Variants in ADAMTS12 observed in about 807,000 individuals in gnomAD.
The protein encoded by ADAMTS12 is ADAM metallopeptidase with thrombospondin type 1 motif 12, also known as A disintegrin and metalloproteinase with thrombospondin motifs 12.
Under a neutral mutation model 167.8 loss-of-function variants are expected in ADAMTS12, and 118 were observed. That is an observed-to-expected ratio of 0.70 (90% confidence interval 0.61 to 0.82). The LOEUF (loss-of-function observed/expected upper bound fraction) is 0.82, where lower values mean the gene tolerates loss of function less well. Among genes scored for constraint, ADAMTS12 ranks in the 40% least tolerant of loss-of-function variants. The pLI is 0.00. For missense variants in ADAMTS12, 1,916 were observed against 1,998.8 expected (o/e 0.96, Z 0.79); for synonymous variants, 704 against 716.9 (o/e 0.98, Z 0.29).
At chr5:33,540,445 A>G (rs1351203963) in intron 22 of ADAMTS12, among the ~76,000 whole-genome samples, 1 of 152,224 alleles carries the variant, frequency 6.6e-6, no homozygotes, top group Non-Finnish European at 1.5e-5. Context: ...GACAGCTCTG[A>G]AGAGAGCAGT....
intron 22 of ADAMTS12, among the ~76,000 whole-genome samples, chr5:33,540,352 C>T (rs1274537225): frequency 6.6e-6 from 1 of 152,272 alleles, no homozygotes; most frequent in African/African-American, 2.4e-5. Flanking sequence ...GGCCTACTGC[C>T]TCTGTAGACT....
At chr5:33,728,166 T>C (rs1442201407) in intron 3 of ADAMTS12, among the ~76,000 whole-genome samples, 2 of 152,150 alleles carry the variant, frequency 1.3e-5, no homozygotes, top group African/African-American at 4.8e-5. Context: ...CCTCTTCCCC[T>C]AGAAGGAGGC....
intron 2 of ADAMTS12, among the ~76,000 whole-genome samples, chr5:33,876,040 T>C (rs1750213545): frequency 6.6e-6 from 1 of 152,066 alleles, no homozygotes; most frequent in African/African-American, 2.4e-5. Flanking sequence ...AATACTAAAA[T>C]TAAAAATATA....
intron 2 of ADAMTS12, among the ~76,000 whole-genome samples, chr5:33,767,999 T>C (rs1389249597): frequency 6.6e-6 from 1 of 152,158 alleles, no homozygotes; most frequent in Non-Finnish European, 1.5e-5. Flanking sequence ...TCATAATCAG[T>C]AGATAAACCA....
chr5:33,537,805 A>T (rs1345237208), intron 22 of ADAMTS12, among the ~76,000 whole-genome samples: 1 of 152,260 alleles, frequency 6.6e-6, no homozygotes, highest in East Asian at 1.9e-4. Flanking sequence ...GCAGCTATGA[A>T]CAATGAGAAT....
chr5:33,700,702 T>A (rs998552689), intron 3 of ADAMTS12, among the ~76,000 whole-genome samples: 4 of 152,084 alleles, frequency 2.6e-5, no homozygotes, highest in African/African-American at 9.7e-5. Context: ...ATTGGGGAAA[T>A]CTGAATAAGA....
At chr5:33,686,829 T>C (rs924763611) in intron 3 of ADAMTS12, among the ~76,000 whole-genome samples, 1 of 150,712 alleles carries the variant, frequency 6.6e-6, no homozygotes, top group African/African-American at 2.4e-5. Flanking sequence ...GATGTATATA[T>C]CTTCCTGCTG....
At chr5:33,818,724 GCT>G (rs1435774376) in intron 2 of ADAMTS12, among the ~76,000 whole-genome samples, 1 of 152,056 alleles carries the variant, frequency 6.6e-6, no homozygotes, top group African/African-American at 2.4e-5. Context: ...GGTACCCTTT[GCT>G]CCACACCCTC....
At chr5:33,768,825 C>T (rs1410067549) in intron 2 of ADAMTS12, among the ~76,000 whole-genome samples, 6 of 151,986 alleles carry the variant, frequency 3.9e-5, no homozygotes, top group African/African-American at 1.2e-4. Flanking sequence ...CAAAATAAGA[C>T]AAGGTATGCT....
intron 18 of ADAMTS12, 42 bp from the exon 19 acceptor site, chr5:33,577,202 C>T (rs1746795593): frequency 1.2e-6 from 2 of 1,612,662 alleles, no homozygotes; most frequent in Non-Finnish European, 1.7e-6. Flanking sequence ...AGAGAAGATG[C>T]TTTTATTCTC....
chr5:33,748,469 T>C (rs151249076), intron 3 of ADAMTS12, among the ~76,000 whole-genome samples: 10 of 152,108 alleles, frequency 6.6e-5, no homozygotes, highest in African/African-American at 2.4e-4. Context: ...AAAAACAAAA[T>C]AGCATCACAT....
At chr5:33,823,290 T>TA (rs1747932448) in intron 2 of ADAMTS12, among the ~76,000 whole-genome samples, 1 of 152,206 alleles carries the variant, frequency 6.6e-6, no homozygotes, top group South Asian at 2.1e-4. Context: ...CACTGGCTGT[T>TA]ATTCTTTCAA....
chr5:33,723,995 G>A (rs1398650602), intron 3 of ADAMTS12, among the ~76,000 whole-genome samples: 2 of 152,254 alleles, frequency 1.3e-5, no homozygotes, highest in East Asian at 3.9e-4. Flanking sequence ...GGTGATTGTG[G>A]CTCTGCCTAG....
rs756748274 is a variant in ADAMTS12 at position 33,881,164 on chromosome 5, C to A, written c.444G>T (p.Gln148His). 6.2e-7 allele frequency: 1 copy of A among 1,614,104 alleles called. No homozygotes were observed. Among genetic ancestry groups the A allele is most frequent in the Non-Finnish European group, 8.5e-7 (1 of 1,180,018 alleles). Residue 148 changes from glutamine to histidine, a missense_variant, in exon 2 of 24, where the codon CAG (glutamine) becomes CAT (histidine). Transcript: ENST00000504830. ...GGGCTGCCGTCCCAACTCTGGTGCC[C>A]TGCTGTAGAACCGTGCCACTGAGAT... Reference protein sequence around the residue: ...LCHLSGTVLQQGTRVGTAALS... With the variant: ...LCHLSGTVLQHGTRVGTAALS...
chr5:33,696,281 C>A (rs1742761842), intron 3 of ADAMTS12, among the ~76,000 whole-genome samples: 1 of 91,146 alleles, frequency 1.1e-5, no homozygotes, highest in Admixed American at 9.8e-5. Flanking sequence ...ATTAGCCGGG[C>A]ACGGTGGCGG....
At chr5:33,585,822 G>C (rs750528756) in intron 18 of ADAMTS12, among the ~76,000 whole-genome samples, 1 of 152,134 alleles carries the variant, frequency 6.6e-6, no homozygotes, top group African/African-American at 2.4e-5. Context: ...GGGGCAGCAG[G>C]GGAGAGAGCT....
intron 3 of ADAMTS12, among the ~76,000 whole-genome samples, chr5:33,714,112 A>G (rs189642531): frequency 6.6e-6 from 1 of 152,256 alleles, no homozygotes; most frequent in Admixed American, 6.5e-5. Flanking sequence ...AGAGTTTTAC[A>G]AATTGGGGAA....
At chr5:33,752,753 T>C (rs1324282100) in intron 2 of ADAMTS12, among the ~76,000 whole-genome samples, 1 of 152,206 alleles carries the variant, frequency 6.6e-6, no homozygotes, top group Non-Finnish European at 1.5e-5. Flanking sequence ...TTCAAGGTCC[T>C]TTCACTATTC....
intron 2 of ADAMTS12, among the ~76,000 whole-genome samples, chr5:33,878,772 GCTGGGACT>G (rs1750320021): frequency 6.6e-6 from 1 of 152,162 alleles, no homozygotes; most frequent in Non-Finnish European, 1.5e-5. Context: ...AAATGCTGAT[GCTGGGACT>G]CTACTCTCAG....
Sources: gnomAD v4.1 joint callset for allele counts (sites outside exome capture counted in the v4.1 genomes callset) on GRCh38, gnomAD v4.1.1 for gene constraint, MANE v1.5 for transcripts, NCBI Gene and HGNC (gene_info 2026-07-23, HGNC 2026-07-21) for gene names.